The following IQGAP3 variants were observed in gnomAD, a reference collection of about 807,000 sequenced individuals.
IQGAP3 encodes ras GTPase-activating-like protein IQGAP3.
A neutral mutation model predicts 208.2 loss-of-function variants in IQGAP3; 165 were observed. The ratio of observed to expected loss-of-function variants is 0.79; its 90% CI spans 0.70 to 0.90. The LOEUF (loss-of-function observed/expected upper bound fraction) is 0.90, where lower values mean the gene tolerates loss of function less well. Among genes scored for constraint, IQGAP3 ranks in the 40% least tolerant of loss-of-function variants. IQGAP3 has a pLI of 0.00. For synonymous variants in IQGAP3, 703 were observed against 803.6 expected (o/e 0.87, Z 2.12); for missense variants, 1,811 against 2,043.1 (o/e 0.89, Z 2.19).
intron 1 of IQGAP3, among the ~76,000 whole-genome samples, chr1:156,570,085 T>G (rs1303517951): frequency 6.6e-6 from 1 of 152,186 alleles, no homozygotes. Context: ...TATCCCTAAT[T>G]AGACTGAGTT....
chr1:156,561,375 C>T (rs1168182945), intron 10 of IQGAP3, among the ~76,000 whole-genome samples: 1 of 152,120 alleles, frequency 6.6e-6, no homozygotes, highest in Non-Finnish European at 1.5e-5. Context: ...CTATATTGGC[C>T]AGGCTGGTCT....
chr1:156,563,471 GA>G, intron 7 of IQGAP3, 81 bp downstream of exon 7: 1 of 1,374,028 alleles, frequency 7.3e-7, no homozygotes, highest in Non-Finnish European at 1.0e-6. Context: ...GAGCTGGCCA[GA>G]ACCCATCCAA....
chr1:156,535,030 A>T, intron 28 of IQGAP3, 133 bp downstream of exon 28: 1 of 753,946 alleles, frequency 1.3e-6, no homozygotes, highest in Admixed American at 2.1e-5. Flanking sequence ...CTCCATTTAT[A>T]GGGGGCAGCA....
intron 11 of IQGAP3, among the ~76,000 whole-genome samples, chr1:156,559,744 T>G (rs1221441326): frequency 6.6e-6 from 1 of 152,156 alleles, no homozygotes; most frequent in Non-Finnish European, 1.5e-5. Context: ...GAGAATAGAT[T>G]GTTTGCTCGG....
intron 13 of IQGAP3, among the ~76,000 whole-genome samples, chr1:156,553,806 C>T (rs1675683359): frequency 6.6e-6 from 1 of 152,176 alleles, no homozygotes; most frequent in Non-Finnish European, 1.5e-5. Context: ...GTCCCAAACT[C>T]CCGACGTCAA....
chr1:156,572,346 CT>C (rs1676682895), intron 1 of IQGAP3, 146 bp downstream of exon 1: 1 of 861,360 alleles, frequency 1.2e-6, no homozygotes, highest in African/African-American at 1.6e-5. Context: ...GGCGCCCGGG[CT>C]GAGGATTCCC....
At chr1:156,563,400 CT>C in intron 7 of IQGAP3, 88 bp from the exon 8 acceptor site, 10 of 1,433,516 alleles carry the variant, frequency 7.0e-6, no homozygotes, top group Middle Eastern at 2.1e-4. Flanking sequence ...TAATGTCATC[CT>C]TTTTCCCACC....
rs1457972260 is a variant in IQGAP3, at chr1:156,540,715, G to T, written c.2732C>A (p.Thr911Asn). The change falls in exon 23 of 38, where the codon ACT becomes AAT. Residue 911 changes from threonine (T) to asparagine (N), a missense_variant. Physicochemically the swap from Thr to Asn is moderately conservative, Grantham distance 65. Coordinates refer to ENST00000361170, the MANE Select transcript of IQGAP3 (RefSeq NM_178229.5). ...KIGLLVKNRI[T>N]LQEVVSHCKK... ...GACTGGTGGGCCCCATACCTGCAGA[G>T]TGATCCGGTTCTTCACCAGCAGGCC... is the stretch of plus-strand genomic sequence containing the variant. 7 of 1,613,924 alleles carry T rather than the reference G, an allele frequency of 4.3e-6. No individual in the cohort carries two copies. The highest frequency in any genetic ancestry group is 5.9e-6 in the Non-Finnish European group (7 of 1,179,926).
At chr1:156,569,269 C>T (rs1571370019) in intron 2 of IQGAP3, 107 bp downstream of exon 2, 2 of 688,232 alleles carry the variant, frequency 2.9e-6, no homozygotes, top group Non-Finnish European at 5.0e-6. Context: ...CGCCCTTTCC[C>T]ACAGGATGGA....
At position 156,526,327 on chromosome 1, in the gene IQGAP3, C is replaced by T; in HGVS notation, c.*159G>A. On this transcript the variant is annotated 3_prime_UTR_variant, in exon 38 of 38. Coordinates refer to ENST00000361170, the MANE Select transcript of IQGAP3 (RefSeq NM_178229.5). ...AATTAGAAGATACACTGTCTGTGGC[C>T]AGGCAGGCAAGCTCCTCCCAGCTGG... 1.6e-6 allele frequency: 1 copy of T among 619,488 alleles called. No individual in the cohort carries two copies. The allele number at this position is 619,488 out of a possible 1,614,324, so 38.4% of individuals were successfully genotyped here. A position where few individuals can be genotyped will look rare whatever the true frequency, so the allele number is the denominator to read the frequency against.
At chr1:156,567,452 C>T (rs991165360) in intron 2 of IQGAP3, among the ~76,000 whole-genome samples, 4 of 152,174 alleles carry the variant, frequency 2.6e-5, no homozygotes, top group Non-Finnish European at 5.9e-5. Flanking sequence ...GAGGATAATG[C>T]CACCTGTATT....
intron 23 of IQGAP3, among the ~76,000 whole-genome samples, chr1:156,540,284 C>CA (rs1368728243): frequency 1.3e-5 from 2 of 152,172 alleles, no homozygotes; most frequent in African/African-American, 4.8e-5. Context: ...CTGCTACACA[C>CA]ATTTGAGGTG....
Position 156,566,395 on chromosome 1 carries a change from A to AC in IQGAP3, c.276dup (p.Tyr93ValfsTer39). 1 of 1,614,084 alleles carries AC rather than the reference A, an allele frequency of 6.2e-7. No individual in the cohort carries two copies. Among genetic ancestry groups the AC allele is most frequent in the Non-Finnish European group, 8.5e-7 (1 of 1,179,946 alleles). On this transcript the variant is annotated frameshift_variant, in exon 3 of 38. Coordinates refer to ENST00000361170, the MANE Select transcript of IQGAP3 (RefSeq NM_178229.5). LOFTEE classifies it high-confidence loss of function. ...GTGGGGTCCAATCCTCCCACCTGGT[A>AC]CCGCAGCTGCTCCACATCGTAGATC...
At position 156,566,586 on chromosome 1, in the gene IQGAP3, CCA is replaced by C. The variant is rs755981738; in HGVS notation, c.126-42_126-41del. ...ACACCTTCTCACGCACTCTGGCAGA[CCA>C]CAGTGATTTATTCTAACAACAGGAA... On this transcript the variant is annotated intron_variant, in intron 2 of 37. Transcript: ENST00000361170. The C allele has an allele frequency of 1.9e-6, 3 of 1,601,160 alleles. 1 individual carries two copies. Among genetic ancestry groups the C allele is most frequent in the South Asian group, 2.2e-5 (2 of 89,884 alleles).
At chr1:156,571,534 C>A (rs1374611879) in intron 1 of IQGAP3, among the ~76,000 whole-genome samples, 1 of 152,170 alleles carries the variant, frequency 6.6e-6, no homozygotes, top group Non-Finnish European at 1.5e-5. Flanking sequence ...GCCATCAGTT[C>A]CTCCAAGGGG....
At chr1:156,572,019 A>G (rs998649767) in intron 1 of IQGAP3, among the ~76,000 whole-genome samples, 12 of 152,212 alleles carry the variant, frequency 7.9e-5, no homozygotes, top group African/African-American at 2.9e-4. Flanking sequence ...AAGCTCTGGG[A>G]CAGGTCCCAG....
At chr1:156,570,656 C>T (rs984664746) in intron 1 of IQGAP3, among the ~76,000 whole-genome samples, 1 of 152,168 alleles carries the variant, frequency 6.6e-6, no homozygotes, top group African/African-American at 2.4e-5. Flanking sequence ...ACCACAGGTG[C>T]GCACCACCAT....
intron 18 of IQGAP3, 28 bp downstream of exon 18, chr1:156,548,320 C>G: frequency 6.2e-7 from 1 of 1,611,204 alleles, no homozygotes; most frequent in Middle Eastern, 1.7e-4. Context: ...TATCCAAGAT[C>G]CCCTACCCTT....
chr1:156,556,785 G>A (rs1675842497), intron 11 of IQGAP3, 92 bp from the exon 12 acceptor site: 4 of 1,225,208 alleles, frequency 3.3e-6, no homozygotes, highest in Non-Finnish European at 4.4e-6. Flanking sequence ...GGGGATCTTG[G>A]TGGGGAAATG....
Sources: gnomAD v4.1 joint callset for allele counts (sites outside exome capture counted in the v4.1 genomes callset) on GRCh38, gnomAD v4.1.1 for gene constraint, MANE v1.5 for transcripts, NCBI Gene and HGNC (gene_info 2026-07-23, HGNC 2026-07-21) for gene names.